Variants in ADCY3 observed in about 807,000 individuals in gnomAD.
ADCY3 encodes adenylate cyclase type 3.
In ADCY3, 70 loss-of-function variants were observed where a neutral mutation model predicts 119.4. The ratio of observed to expected loss-of-function variants is 0.59; its 90% CI spans 0.48 to 0.72. The LOEUF (loss-of-function observed/expected upper bound fraction) is 0.72, where lower values mean the gene tolerates loss of function less well. Ranked by LOEUF, ADCY3 falls within the 30% of genes least tolerant of loss-of-function variation. The probability of loss-of-function intolerance (pLI) is 0.00; values close to 1 mark genes in which losing one functional copy is unlikely to be tolerated. For synonymous variants in ADCY3, 672 were observed against 621.4 expected (o/e 1.08, Z -1.21); for missense variants, 1,238 against 1,541.6 (o/e 0.80, Z 3.30).
At position 24,889,410 on chromosome 2, in the gene ADCY3, G is replaced by C. The variant is rs558051238; in HGVS notation, c.676-16691C>G. Among the ~76,000 whole-genome samples, 4 of 152,274 alleles carry C rather than the reference G, an allele frequency of 2.6e-5. No homozygotes were observed. The South Asian group carries it at 8.3e-4, about 32-fold the overall frequency. On this transcript the variant is annotated intron_variant, in intron 2 of 21. Coordinates refer to ENST00000679454, the MANE Select transcript of ADCY3 (RefSeq NM_004036.5). ...GAATTCACCAGAACTCCATGTTGCC[G>C]GGGCATCACACACAAATATGCAAAT...
intron 2 of ADCY3, among the ~76,000 whole-genome samples, chr2:24,901,053 G>A (rs1051301427): frequency 6.6e-6 from 1 of 152,148 alleles, no homozygotes; most frequent in African/African-American, 2.4e-5. Context: ...CGACAACAGT[G>A]AGACTCCGTC....
At chr2:24,851,298 G>A (rs930723158) in intron 3 of ADCY3, among the ~76,000 whole-genome samples, 4 of 152,200 alleles carry the variant, frequency 2.6e-5, no homozygotes, top group African/African-American at 9.7e-5. Context: ...CTCCTAGGAA[G>A]CCAAAGACAG....
intron 11 of ADCY3, among the ~76,000 whole-genome samples, chr2:24,833,547 A>G (rs1669888293): frequency 1.3e-5 from 2 of 152,242 alleles, no homozygotes; most frequent in African/African-American, 4.8e-5. Context: ...CTGTGTCTGC[A>G]GTACTTACTC....
At chr2:24,821,697 C>A in intron 19 of ADCY3, 57 bp from the exon 20 acceptor site, 1 of 1,590,990 alleles carries the variant, frequency 6.3e-7, no homozygotes, top group South Asian at 1.1e-5. Context: ...GCAGCCTGCT[C>A]TGCTGCCTTC....
intron 3 of ADCY3, among the ~76,000 whole-genome samples, chr2:24,843,803 T>A (rs1356094425): frequency 6.6e-6 from 1 of 152,038 alleles, no homozygotes; most frequent in South Asian, 2.1e-4. Flanking sequence ...CTGGAAGCCA[T>A]GGGTTGGATA....
intron 3 of ADCY3, among the ~76,000 whole-genome samples, chr2:24,865,487 A>G (rs1674170046): frequency 2.0e-5 from 2 of 101,688 alleles, no homozygotes; most frequent in Non-Finnish European, 4.0e-5. Flanking sequence ...ATAGGCTATC[A>G]TCTGTGTGTG....
intron 2 of ADCY3, among the ~76,000 whole-genome samples, chr2:24,890,027 T>G (rs751227587): frequency 1.1e-4 from 16 of 152,212 alleles, no homozygotes; most frequent in Middle Eastern, 3.2e-3. Flanking sequence ...AGAGGTATTA[T>G]CTGAATGGAT....
rs1444964029 is a variant in ADCY3, at chr2:24,853,006, GTGTGTGTGTGTGTGTGT to G, written c.826-10639_826-10623del. Among the ~76,000 whole-genome samples, 366 of 85,516 alleles carry G rather than the reference GTGTGTGTGTGTGTGTGT, an allele frequency of 4.3e-3. 4 individuals are homozygous for G. Among genetic ancestry groups the G allele is most frequent in the Non-Finnish European group, 6.4e-3 (211 of 32,750 alleles). 56.1% of individuals were successfully genotyped at this position (85,516 alleles called of 152,430 possible). Reference sequence around the variant, plus strand: ...TTTGAAGGAAAGGAACAGCTGGAGGGTGTGTGTGTGTGTGTGTGTGTGTGTGTGTGTGTGTGTGTGTG... The same window carrying G: ...TTTGAAGGAAAGGAACAGCTGGAGGGGTGTGTGTGTGTGTGTGTGTGTGTG... On this transcript the variant is annotated intron_variant, in intron 3 of 21. Coordinates refer to ENST00000679454, the MANE Select transcript of ADCY3 (RefSeq NM_004036.5).
intron 21 of ADCY3, chr2:24,820,415 C>T: frequency 1.5e-6 from 2 of 1,328,782 alleles, no homozygotes; most frequent in Non-Finnish European, 1.9e-6. Flanking sequence ...TCTTCTGTCC[C>T]TTTGCCCCTT....
chr2:24,834,880 A>G lies in ADCY3; in HGVS notation c.1719T>C (p.Ala573=). The G allele has an allele frequency of 1.9e-6, 3 of 1,613,942 alleles. No individual in the cohort carries two copies. Among genetic ancestry groups the G allele is most frequent in the Non-Finnish European group, 2.5e-6 (3 of 1,179,994 alleles). ...PRRRLRLQDL[A]DRVVDASEDE... The stretch of plus-strand genomic sequence containing the variant: ...CTTCAGAGGCATCCACCACTCGGTC[A>G]GCCAGGTCCTGCAGGCGCAGCCTCC... The change falls in exon 10 of 22, where the codon GCT becomes GCC. Residue 573 remains alanine, a synonymous_variant. Transcript: ENST00000679454. The surrounding 1 kb of genome is among the most constrained non-coding windows in gnomAD (Gnocchi z 4.2).
chr2:24,907,640 C>T (rs1306461151), intron 2 of ADCY3, among the ~76,000 whole-genome samples: 2 of 152,036 alleles, frequency 1.3e-5, no homozygotes, highest in African/African-American at 2.4e-5. Flanking sequence ...AGGGGATGGG[C>T]CTGCTGAAAC....
chr2:24,831,551 G>T (rs2148473628), intron 12 of ADCY3, 111 bp downstream of exon 12: 2 of 846,884 alleles, frequency 2.4e-6, no homozygotes, highest in East Asian at 5.3e-5. Flanking sequence ...TAACAGAGGA[G>T]TGTCTGCCTG....
chr2:24,841,496 G>T lies in ADCY3; in HGVS notation c.1068+60C>A, dbSNP rs999379182. On this transcript the variant is annotated intron_variant, in intron 5 of 21. Coordinates refer to ENST00000679454, the MANE Select transcript of ADCY3 (RefSeq NM_004036.5). The surrounding 1 kb of genome is among the most constrained non-coding windows in gnomAD (Gnocchi z 5.8). ...GAAAATCATGGGGCCGGGGATGGGG[G>T]CCAGGCAGAGGCCATGAGGGCAGGC... 4.3e-5 allele frequency: 68 copies of T among 1,590,662 alleles called. 1 individual carries two copies. The highest frequency in any genetic ancestry group is 1.7e-4 in the Middle Eastern group (1 of 5,800).
chr2:24,820,742 C>T lies in ADCY3; in HGVS notation c.3234G>A (p.Gly1078=). The change falls in exon 21 of 22, where the codon GGG becomes GGA. Residue 1078 remains glycine (G), a synonymous_variant. Transcript: ENST00000679454. The part of the protein sequence containing the change: ...VNVASRMEST[G]VMGNIQVVEE... Reference sequence around the variant, plus strand: ...GACATACCTGAATGTTGCCCATGACCCCCGTGGACTCCATCCTGCTGGCTA... The same window carrying T: ...GACATACCTGAATGTTGCCCATGACTCCCGTGGACTCCATCCTGCTGGCTA... 6.2e-7 allele frequency: 1 copy of T among 1,614,050 alleles called. No homozygotes were observed. Among genetic ancestry groups the T allele is most frequent in the Non-Finnish European group, 8.5e-7 (1 of 1,179,986 alleles).
chr2:24,909,990 C>A (rs538359765), intron 2 of ADCY3, among the ~76,000 whole-genome samples: 2 of 152,308 alleles, frequency 1.3e-5, no homozygotes, highest in South Asian at 2.1e-4. Context: ...CCCAAGTTAG[C>A]CACATGGAGA....
At chr2:24,877,871 G>A in intron 2 of ADCY3, 2 of 471,074 alleles carry the variant, frequency 4.2e-6, no homozygotes, top group Non-Finnish European at 8.8e-6. Context: ...GGCAACAGCT[G>A]TACCTGGGAG....
chr2:24,879,452 CAAAA>C (rs34029858), intron 2 of ADCY3, among the ~76,000 whole-genome samples: 2 of 66,086 alleles, frequency 3.0e-5, no homozygotes, highest in Non-Finnish European at 2.9e-5. Flanking sequence ...GACTCTGTCT[CAAAA>C]AAAAAAAAAA....
intron 9 of ADCY3, among the ~76,000 whole-genome samples, chr2:24,836,350 G>A (rs1399455302): frequency 6.6e-6 from 1 of 152,332 alleles, no homozygotes; most frequent in East Asian, 1.9e-4. Context: ...CCCCTCACGC[G>A]GTGAGCCCGA....
chr2:24,843,462 C>T (rs1572865990), intron 3 of ADCY3, among the ~76,000 whole-genome samples: 2 of 152,228 alleles, frequency 1.3e-5, no homozygotes, highest in African/African-American at 2.4e-5. Flanking sequence ...TGGACTCCTG[C>T]GCTCAAATCA....
Sources: allele counts gnomAD v4.1 joint callset (sites outside exome capture counted in the v4.1 genomes callset), GRCh38; gene constraint gnomAD v4.1.1; non-coding constraint Gnocchi (gnomAD v3.1); transcripts MANE v1.5; gene names NCBI Gene and HGNC (gene_info 2026-07-23, HGNC 2026-07-21).